Variants in LOXHD1 observed in about 807,000 individuals in gnomAD.
LOXHD1 encodes lipoxygenase homology domain-containing protein 1.
LOXHD1 carries 205 observed loss-of-function variants against 248.2 expected under a neutral mutation model. The ratio of observed to expected loss-of-function variants is 0.83; its 90% CI spans 0.74 to 0.93. The LOEUF (loss-of-function observed/expected upper bound fraction) is 0.93, where lower values mean the gene tolerates loss of function less well. LOXHD1 is among the 40% of genes least tolerant of loss of function. LOXHD1 has a pLI of 0.00. For missense variants in LOXHD1, 2,930 were observed against 2,971.6 expected (o/e 0.99, Z 0.33); for synonymous variants, 1,113 against 1,162.8 (o/e 0.96, Z 0.87).
intron 28 of LOXHD1, among the ~76,000 whole-genome samples, chr18:46,531,395 G>A (rs1568146058): frequency 1.3e-5 from 2 of 152,214 alleles, no homozygotes; most frequent in African/African-American, 4.8e-5. Flanking sequence ...AGACACAACA[G>A]TTGACGGTCT....
intron 2 of LOXHD1, among the ~76,000 whole-genome samples, chr18:46,644,761 T>C (rs780731192): frequency 1.3e-5 from 2 of 152,146 alleles, no homozygotes; most frequent in Non-Finnish European, 2.9e-5. Context: ...CTCCATTACC[T>C]TCCAGTGACC....
At chr18:46,653,092 C>G (rs1400857833) in intron 1 of LOXHD1, among the ~76,000 whole-genome samples, 1 of 152,096 alleles carries the variant, frequency 6.6e-6, no homozygotes, top group East Asian at 1.9e-4. Context: ...ACTAAAAATA[C>G]AAAAATTAGC....
intron 2 of LOXHD1, 127 bp downstream of exon 2, chr18:46,649,028 T>C (rs1189451600): frequency 1.3e-6 from 1 of 759,418 alleles, no homozygotes; most frequent in African/African-American, 1.7e-5. Flanking sequence ...AGCAGAGGCT[T>C]CATACCACTT....
chr18:46,555,159 C>T (rs1179207513), intron 21 of LOXHD1: 2 of 471,086 alleles, frequency 4.2e-6, no homozygotes, highest in South Asian at 3.1e-5. Flanking sequence ...TGGGGATGTT[C>T]ACAGTTTGTC....
intron 2 of LOXHD1, among the ~76,000 whole-genome samples, chr18:46,646,025 G>A (rs1169276912): frequency 6.6e-6 from 1 of 152,234 alleles, no homozygotes; most frequent in Non-Finnish European, 1.5e-5. Context: ...CATTGCTGCA[G>A]TGTGAACTCT....
chr18:46,621,095 G>T (rs935865406), intron 4 of LOXHD1, among the ~76,000 whole-genome samples: 5 of 152,176 alleles, frequency 3.3e-5, no homozygotes, highest in Non-Finnish European at 7.3e-5. Context: ...ACAGAGGTCA[G>T]GAGGAAGCTG....
intron 12 of LOXHD1, among the ~76,000 whole-genome samples, chr18:46,582,707 G>A (rs328162): frequency 0.79 from 120,683 of 152,150 alleles, 48,421 homozygotes; most frequent in Non-Finnish European, 0.86. Flanking sequence ...CCCCAAATTT[G>A]CTCAGCTATC....
At chr18:46,491,565 T>A (rs913424677) in intron 37 of LOXHD1, among the ~76,000 whole-genome samples, 64 of 152,184 alleles carry the variant, frequency 4.2e-4, no homozygotes, top group Non-Finnish European at 1.0e-4. Flanking sequence ...TTTGAACATG[T>A]GATTGCATGC....
chr18:46,521,069 C>A, intron 33 of LOXHD1, 28 bp downstream of exon 33: 7 of 1,549,196 alleles, frequency 4.5e-6, no homozygotes, highest in Non-Finnish European at 6.1e-6. Flanking sequence ...CCTGGCCATG[C>A]ACTGCACACT....
At position 46,610,889 on chromosome 18, in the gene LOXHD1, C is replaced by T; in HGVS notation, c.646G>A (p.Glu216Lys). The T allele has an allele frequency of 6.4e-7, 1 of 1,551,834 alleles. No homozygotes were observed. The highest frequency in any genetic ancestry group is 8.7e-7 in the Non-Finnish European group (1 of 1,147,020). The change falls in exon 6 of 41, where the codon GAA becomes AAA. Residue 216 changes from glutamate (E) to lysine (K), a missense_variant. By Grantham distance (56) the Glu-to-Lys change is moderately conservative (BLOSUM62 1). Coordinates refer to ENST00000642948, the MANE Select transcript of LOXHD1 (RefSeq NM_001384474.1). ...ATGAACCTGTCTTCAGCTCCCTTTT[C>T]AAAGTTGTCCTTTTCATTTTCTAGC... Reference protein sequence around the residue: ...RRLENEKDNFEKGAEDRFILD... With the variant: ...RRLENEKDNFKKGAEDRFILD...
At chr18:46,569,744 G>A in intron 15 of LOXHD1, 106 bp from the exon 16 acceptor site, 1 of 829,144 alleles carries the variant, frequency 1.2e-6, no homozygotes, top group Non-Finnish European at 1.8e-6. Context: ...GGTTTGTGGG[G>A]AACACACGCT....
intron 2 of LOXHD1, among the ~76,000 whole-genome samples, chr18:46,643,402 G>T (rs328171): frequency 0.3 from 46,172 of 152,038 alleles, 8,169 homozygotes; most frequent in East Asian, 0.46. Context: ...AGAGAATGTC[G>T]ACTGTTAGCT....
rs1385120613 is a variant in LOXHD1, at chr18:46,477,868, C to T, written c.6426G>A (p.Glu2142=). ...FKVFEVTKTT[E]SFASKVQSLV... ...GGCTCTGGACCTTGCTGGCAAAGCT[C>T]TCTGTCGTCTTGGTAACCTCGAATA... Residue 2142 remains glutamate, a synonymous_variant, in exon 41 of 41, where the codon GAG becomes GAA. Transcript: ENST00000642948. The T allele has an allele frequency of 2.6e-6, 4 of 1,551,774 alleles. No individual in the cohort carries two copies. Among genetic ancestry groups the T allele is most frequent in the Non-Finnish European group, 3.5e-6 (4 of 1,147,000 alleles).
At chr18:46,549,289 G>A (rs527264622) in intron 21 of LOXHD1, among the ~76,000 whole-genome samples, 1 of 152,226 alleles carries the variant, frequency 6.6e-6, no homozygotes, top group Non-Finnish European at 1.5e-5. Context: ...GGTTGAAACT[G>A]AGCATCGAAC....
intron 12 of LOXHD1, among the ~76,000 whole-genome samples, chr18:46,585,641 G>A (rs1461099849): frequency 1.3e-5 from 2 of 152,052 alleles, no homozygotes; most frequent in Non-Finnish European, 2.9e-5. Flanking sequence ...ATTCAATGTA[G>A]CCCCTAACAG....
chr18:46,500,056 T>C (rs2034128472), intron 37 of LOXHD1, among the ~76,000 whole-genome samples: 1 of 152,142 alleles, frequency 6.6e-6, no homozygotes, highest in African/African-American at 2.4e-5. Context: ...ACTTTGGAAG[T>C]ACAAAAGATG....
At chr18:46,533,133 G>A (rs938761332) in intron 28 of LOXHD1, 29 bp downstream of exon 28, 2 of 1,550,586 alleles carry the variant, frequency 1.3e-6, no homozygotes, top group Non-Finnish European at 1.7e-6. Context: ...GCCTTCCCAT[G>A]GTGATGAGGG....
At chr18:46,623,436 C>T (rs1314534017) in intron 4 of LOXHD1, among the ~76,000 whole-genome samples, 1 of 152,238 alleles carries the variant, frequency 6.6e-6, no homozygotes, top group Non-Finnish European at 1.5e-5. Context: ...TTAAGCTAAA[C>T]ACATGGTACC....
chr18:46,607,894 A>C (rs1172404492), intron 6 of LOXHD1, among the ~76,000 whole-genome samples: 1 of 152,192 alleles, frequency 6.6e-6, no homozygotes, highest in Middle Eastern at 3.2e-3. Flanking sequence ...CCGAGCAAGA[A>C]TCTAACATAC....
Sources: allele counts gnomAD v4.1 joint callset (sites outside exome capture counted in the v4.1 genomes callset), GRCh38; gene constraint gnomAD v4.1.1; transcripts MANE v1.5; gene names NCBI Gene and HGNC (gene_info 2026-07-23, HGNC 2026-07-21).